Variants in TRERF1 observed in about 807,000 individuals in gnomAD.
TRERF1 encodes the protein transcriptional regulating factor 1, also known as transcriptional-regulating factor 1.
In TRERF1, 27 loss-of-function variants were observed where a neutral mutation model predicts 122.9. The observed-to-expected ratio is 0.22, with a 90% CI of 0.16 to 0.30. The LOEUF (loss-of-function observed/expected upper bound fraction) is 0.30. Ranked by LOEUF, TRERF1 falls within the 10% of genes least tolerant of loss-of-function variation. TRERF1 has a pLI of 1.00. For missense variants in TRERF1, 1,248 were observed against 1,560.3 expected, an observed-to-expected ratio of 0.80 and a Z score of 3.37; for synonymous variants, 636 against 641.7, an observed-to-expected ratio of 0.99 and a Z score of 0.13.
At chr6:42,402,749 AC>A (rs1234210561) in intron 2 of TRERF1, among the ~76,000 whole-genome samples, 1 of 152,252 alleles carries the variant, frequency 6.6e-6, no homozygotes, top group Non-Finnish European at 1.5e-5. Context: ...TGCCAGATAC[AC>A]AAAGGTGAGC....
chr6:42,361,256 C>T (rs1771703781), intron 3 of TRERF1, among the ~76,000 whole-genome samples: 1 of 152,188 alleles, frequency 6.6e-6, no homozygotes, highest in Non-Finnish European at 1.5e-5. Flanking sequence ...TACTGGCACC[C>T]TCATCTCAGA....
At chr6:42,284,012 A>G (rs566170585) in intron 4 of TRERF1, among the ~76,000 whole-genome samples, 10 of 152,194 alleles carry the variant, frequency 6.6e-5, no homozygotes, top group Non-Finnish European at 1.5e-4. Context: ...CTTTTGAGGC[A>G]GGGTCCAGAA....
At chr6:42,394,372 C>G (rs370445304) in intron 2 of TRERF1, among the ~76,000 whole-genome samples, 49 of 152,310 alleles carry the variant, frequency 3.2e-4, no homozygotes, top group Middle Eastern at 3.4e-3. Context: ...GCTTGGAAGG[C>G]ACAGCAGAGA....
intron 2 of TRERF1, among the ~76,000 whole-genome samples, chr6:42,446,700 T>A (rs751412704): frequency 3.9e-5 from 6 of 152,100 alleles, no homozygotes; most frequent in Non-Finnish European, 8.8e-5. Flanking sequence ...GCTTATGGCA[T>A]TAAAAAAACC....
chr6:42,446,102 C>T (rs1787459617), intron 2 of TRERF1, among the ~76,000 whole-genome samples: 1 of 152,194 alleles, frequency 6.6e-6, no homozygotes, highest in East Asian at 1.9e-4. Context: ...TTAGTAAAGA[C>T]AGTGTTTCAC....
exon 7 of TRERF1, chr6:42,264,751 G>C: frequency 6.2e-7 from 1 of 1,614,220 alleles, no homozygotes; most frequent in Non-Finnish European, 8.5e-7. Flanking sequence ...GACCGCATGT[G>C]GCCATTCAGG....
In TRERF1 at chr6:42,347,678, A is replaced by C. The variant is rs558347818; in HGVS notation, c.-371+15319T>G. Among the ~76,000 whole-genome samples, 3 of 152,268 alleles carry C rather than the reference A, an allele frequency of 2.0e-5. No individual in the cohort carries two copies. The East Asian group carries it at 5.8e-4, about 29-fold the overall frequency. On this transcript the variant is annotated intron_variant, in intron 3 of 17. Coordinates refer to ENST00000372922, the Ensembl canonical transcript of TRERF1. ...GCAGTATGTGCTGTGGAGGACTAAA[A>C]ACAAAAGAAAAGCGGTAAGACCAAG...
At chr6:42,333,998 TACACACACACACACAC>T (rs3997687) in intron 3 of TRERF1, among the ~76,000 whole-genome samples, 1 of 147,078 alleles carries the variant, frequency 6.8e-6, no homozygotes, top group Non-Finnish European at 1.5e-5. Context: ...ACACATACAC[TACACACACACACACAC>T]ACACACACAC....
At chr6:42,279,470 G>GA (rs1483390679) in intron 4 of TRERF1, among the ~76,000 whole-genome samples, 1 of 152,244 alleles carries the variant, frequency 6.6e-6, no homozygotes. Flanking sequence ...AATAAAGATA[G>GA]AGGGGAAGTG....
chr6:42,245,745 A>G (rs1012891225), intron 14 of TRERF1, among the ~76,000 whole-genome samples: 3 of 152,224 alleles, frequency 2.0e-5, no homozygotes, highest in Admixed American at 6.5e-5. Context: ...TACTGGGTAG[A>G]GGGAGGCCAC....
intron 8 of TRERF1, among the ~76,000 whole-genome samples, chr6:42,262,429 A>AGGGGGGGGGGG: frequency 3.4e-5 from 2 of 58,350 alleles, no homozygotes; most frequent in African/African-American, 1.4e-4. Context: ...CAAATTCCCT[A>AGGGGGGGGGGG]GGGGCAGAGA....
chr6:42,270,016 C>T (rs1779915834), intron 4 of TRERF1, among the ~76,000 whole-genome samples, 168 bp from the exon 5 acceptor site: 1 of 152,088 alleles, frequency 6.6e-6, no homozygotes, highest in Non-Finnish European at 1.5e-5. Flanking sequence ...AGGGAGATCC[C>T]GTCTCAAAAA....
At position 42,228,229 on chromosome 6, in the gene TRERF1, C is replaced by T. The variant is rs1769807831; in HGVS notation, c.*116G>A. ...TTTTTTCTAAACCTGAATAAAATGACCACTTTTAAAACAGGTAGTTTAAAA... is the reference window on the plus strand; with the variant it reads ...TTTTTTCTAAACCTGAATAAAATGATCACTTTTAAAACAGGTAGTTTAAAA... On this transcript the variant is annotated 3_prime_UTR_variant, in exon 18 of 18. Transcript: ENST00000372922. This position sits in a 1 kb window ranked among gnomAD's most constrained non-coding sequence, Gnocchi z 4.2. 1 of 838,124 alleles carries T rather than the reference C, an allele frequency of 1.2e-6. No individual in the cohort carries two copies. The highest frequency in any genetic ancestry group is 1.8e-5 in the African/African-American group (1 of 56,968). The allele number at this position is 838,124 out of a possible 1,614,324, so 51.9% of individuals were successfully genotyped here. A position where few individuals can be genotyped will look rare whatever the true frequency, so the allele number is the denominator to read the frequency against.
Position 42,263,348 on chromosome 6 carries a change from G to A in TRERF1, c.1856C>T (p.Ser619Leu), listed in dbSNP as rs150412878. The A allele has an allele frequency of 1.1e-5, 17 of 1,612,890 alleles. No homozygotes were observed. Among genetic ancestry groups the A allele is most frequent in the African/African-American group, 9.3e-5 (7 of 74,916 alleles). ...CACAGGCATCTCGTCGTCCGACATCGAGCTGGCTGGCTTGTCTCTGGCGGA... is the reference window on the plus strand; with the variant it reads ...CACAGGCATCTCGTCGTCCGACATCAAGCTGGCTGGCTTGTCTCTGGCGGA... Residue 619 changes from serine (S) to leucine (L), a missense_variant, in exon 8 of 18, where the codon TCG (serine) becomes TTG (leucine). Physicochemically the swap from Ser to Leu is moderately radical, Grantham distance 145 (BLOSUM62 -2). This residue lies in a region of TRERF1 where 946 missense variants were observed against 1,073.0 expected (regional missense o/e 0.88). Coordinates refer to ENST00000372922, the Ensembl canonical transcript of TRERF1. The surrounding 1 kb of genome is among the most constrained non-coding windows in gnomAD (Gnocchi z 5.6).
intron 4 of TRERF1, among the ~76,000 whole-genome samples, chr6:42,291,519 T>C (rs1248800337): frequency 4.6e-5 from 7 of 151,948 alleles, no homozygotes; most frequent in Non-Finnish European, 1.0e-4. Context: ...TGTTTTGTTT[T>C]GTTTCGTTTT....
chr6:42,425,529 ATTTTTTTTTTTT>A (rs150820164), intron 2 of TRERF1, among the ~76,000 whole-genome samples: 8 of 44,050 alleles, frequency 1.8e-4, no homozygotes, highest in African/African-American at 6.8e-4. Flanking sequence ...CCCCCTGGGC[ATTTTTTTTTTTT>A]TTTTTTTTTT....
chr6:42,265,929 C>A, intron 5 of TRERF1, 132 bp from the exon 6 acceptor site: 1 of 872,268 alleles, frequency 1.1e-6, no homozygotes, highest in Non-Finnish European at 1.8e-6. Context: ...CGTGCTGACC[C>A]CATTCATGTC....
intron 3 of TRERF1, among the ~76,000 whole-genome samples, chr6:42,342,762 T>C (rs1172879530): frequency 6.6e-6 from 1 of 152,220 alleles, no homozygotes; most frequent in Non-Finnish European, 1.5e-5. Context: ...TGTAAAACTC[T>C]TTCCTTGAAG....
intron 3 of TRERF1, among the ~76,000 whole-genome samples, chr6:42,321,966 C>G (rs1763533805): frequency 6.6e-6 from 1 of 152,174 alleles, no homozygotes; most frequent in Admixed American, 6.5e-5. Flanking sequence ...GCATAAAAGA[C>G]TGAATGGCAG....
Sources: allele counts gnomAD v4.1 joint callset (sites outside exome capture counted in the v4.1 genomes callset), GRCh38; gene constraint gnomAD v4.1.1; regional missense constraint gnomAD v4.1.1; non-coding constraint Gnocchi (gnomAD v3.1); transcripts MANE v1.5; gene names NCBI Gene and HGNC (gene_info 2026-07-23, HGNC 2026-07-21).